RGS6: variants seen among roughly 807,000 people sequenced by gnomAD.
RGS6 encodes the protein regulator of G protein signaling 6, also known as regulator of G-protein signaling 6.
RGS6 carries 30 observed loss-of-function variants against 78.5 expected under a neutral mutation model. The observed-to-expected ratio is 0.38, with a 90% CI of 0.29 to 0.52. The LOEUF is 0.52. RGS6 is among the 20% of genes least tolerant of loss of function. The probability of loss-of-function intolerance (pLI) is 0.85; values close to 1 mark genes in which losing one functional copy is unlikely to be tolerated. For missense variants in RGS6, 495 were observed against 609.7 expected (o/e 0.81, Z 1.98); for synonymous variants, 206 against 206.0 (o/e 1.00, Z 0.00).
chr14:72,091,187 C>T (rs1215364483), intron 2 of RGS6, among the ~76,000 whole-genome samples: 2 of 152,126 alleles, frequency 1.3e-5, no homozygotes, highest in African/African-American at 4.8e-5. Flanking sequence ...CTGGCCTTCT[C>T]CCACTCCCCG....
chr14:72,162,185 GAA>G (rs35368825), intron 2 of RGS6, among the ~76,000 whole-genome samples: 62 of 150,254 alleles, frequency 4.1e-4, no homozygotes, highest in African/African-American at 1.2e-3. Flanking sequence ...TAGTACAGCA[GAA>G]AAAAAAAAAC....
chr14:71,950,657 C>G (rs2092206521), intron 1 of RGS6, among the ~76,000 whole-genome samples: 1 of 152,180 alleles, frequency 6.6e-6, no homozygotes, highest in Non-Finnish European at 1.5e-5. Context: ...AGAATTTTTG[C>G]AACCTATCCA....
intron 17 of RGS6, chr14:72,541,662 C>A (rs1419141360): frequency 6.6e-7 from 1 of 1,526,704 alleles, no homozygotes; most frequent in Non-Finnish European, 8.8e-7. Flanking sequence ...CTTTTGAGGA[C>A]TGGCTACTGT....
At chr14:72,387,104 AG>A (rs2088345999) in intron 3 of RGS6, among the ~76,000 whole-genome samples, 1 of 152,144 alleles carries the variant, frequency 6.6e-6, no homozygotes, top group East Asian at 1.9e-4. Flanking sequence ...TTAAATAGGG[AG>A]AAAAAATATG....
chr14:72,160,007 A>G (rs1433110544), intron 2 of RGS6, among the ~76,000 whole-genome samples: 1 of 152,192 alleles, frequency 6.6e-6, no homozygotes, highest in Non-Finnish European at 1.5e-5. Flanking sequence ...AGTTCTTTAC[A>G]CCTGTGTCTT....
intron 2 of RGS6, among the ~76,000 whole-genome samples, chr14:72,202,647 C>G (rs942467901): frequency 5.9e-5 from 9 of 152,094 alleles, no homozygotes; most frequent in Non-Finnish European, 1.2e-4. Flanking sequence ...CAGATGTCCC[C>G]CAAAGTGTCT....
chr14:72,345,887 CAT>C (rs940486920), intron 2 of RGS6, among the ~76,000 whole-genome samples: 1 of 152,190 alleles, frequency 6.6e-6, no homozygotes, highest in Non-Finnish European at 1.5e-5. Context: ...TTTTGGAACA[CAT>C]ATGGGGCAGA....
At chr14:72,018,002 C>A (rs976984110) in intron 2 of RGS6, among the ~76,000 whole-genome samples, 4 of 152,156 alleles carry the variant, frequency 2.6e-5, no homozygotes, top group Non-Finnish European at 5.9e-5. Flanking sequence ...TCAGCTCCCA[C>A]TTATAAGTGA....
intron 17 of RGS6, among the ~76,000 whole-genome samples, chr14:72,549,495 A>G (rs558290453): frequency 6.6e-6 from 1 of 152,330 alleles, no homozygotes; most frequent in South Asian, 2.1e-4. Flanking sequence ...GTTGAAAGCA[A>G]AAAGGATCAT....
intron 2 of RGS6, among the ~76,000 whole-genome samples, chr14:72,045,378 G>C (rs2092750427): frequency 6.6e-6 from 1 of 152,032 alleles, no homozygotes; most frequent in African/African-American, 2.4e-5. Flanking sequence ...TGTTAATCTA[G>C]ACTAGATTAA....
At chr14:72,183,233 T>C (rs530099132) in intron 2 of RGS6, among the ~76,000 whole-genome samples, 33 of 152,330 alleles carry the variant, frequency 2.2e-4, no homozygotes, top group African/African-American at 7.7e-4. Flanking sequence ...CCATTTCTGC[T>C]GGGAAAAAGA....
chr14:72,561,680 G>C (rs1020489053), intron 17 of RGS6, among the ~76,000 whole-genome samples: 5 of 152,204 alleles, frequency 3.3e-5, no homozygotes, highest in Non-Finnish European at 5.9e-5. Flanking sequence ...CCAGTTCACT[G>C]TTTTAGTTTT....
At chr14:71,935,762 CT>C (rs2089037680) in intron 1 of RGS6, among the ~76,000 whole-genome samples, 1 of 151,878 alleles carries the variant, frequency 6.6e-6, no homozygotes, top group African/African-American at 2.4e-5. Context: ...GCAAAAGGTA[CT>C]TTTAGATTTA....
intron 2 of RGS6, among the ~76,000 whole-genome samples, chr14:72,326,929 A>G (rs1262243750): frequency 6.6e-6 from 1 of 152,028 alleles, no homozygotes; most frequent in Non-Finnish European, 1.5e-5. Flanking sequence ...GGATGGTCTC[A>G]ATCTCCTGAC....
intron 2 of RGS6, among the ~76,000 whole-genome samples, chr14:72,330,875 T>G (rs1283705888): frequency 6.6e-6 from 1 of 152,248 alleles, no homozygotes; most frequent in East Asian, 1.9e-4. Context: ...GTGTGCCCCA[T>G]CTTCCCAGAC....
At chr14:72,467,577 G>A (rs1472534488) in intron 7 of RGS6, among the ~76,000 whole-genome samples, 3 of 152,180 alleles carry the variant, frequency 2.0e-5, no homozygotes, top group Non-Finnish European at 2.9e-5. Context: ...AGCAGGACGT[G>A]TGCATGGTCC....
chr14:72,609,555 G>A, the RGS6 span, among the ~76,000 whole-genome samples: 1 of 152,150 alleles, frequency 6.6e-6, no homozygotes, highest in African/African-American at 2.4e-5. Context: ...CCTTAGGCAG[G>A]GCAGAAACAT....
chr14:71,920,751 A>G, the RGS6 span, among the ~76,000 whole-genome samples: 79 of 152,368 alleles, frequency 5.2e-4, no homozygotes, highest in African/African-American at 1.9e-3. Context: ...TCTAATGGAA[A>G]TACTTTTGTC....
At chr14:72,214,420 TC>T (rs2045039959) in intron 2 of RGS6, among the ~76,000 whole-genome samples, 1 of 152,112 alleles carries the variant, frequency 6.6e-6, no homozygotes, top group Admixed American at 6.6e-5. Flanking sequence ...TTCGTAACTT[TC>T]TAGCGTGTGT....
Sources: allele counts gnomAD v4.1 joint callset (sites outside exome capture counted in the v4.1 genomes callset), GRCh38; gene constraint gnomAD v4.1.1; transcripts MANE v1.5; gene names NCBI Gene and HGNC (gene_info 2026-07-23, HGNC 2026-07-21).